Variants in REC114 observed in about 807,000 individuals in gnomAD.
REC114 encodes the protein REC114 meiotic recombination protein.
Under a neutral mutation model 31.3 loss-of-function variants are expected in REC114, and 27 were observed. The ratio of observed to expected loss-of-function variants is 0.86; its 90% CI spans 0.64 to 1.19. The LOEUF (loss-of-function observed/expected upper bound fraction) is 1.19. Ranked by LOEUF, REC114 falls within the 50% of genes most tolerant of loss-of-function variation. The pLI is 0.00. For missense variants in REC114, 344 were observed against 326.9 expected (o/e 1.05, Z -0.40); for synonymous variants, 134 against 127.7 (o/e 1.05, Z -0.33).
chr15:73,540,655 C>A, intron 3 of REC114, 87 bp downstream of exon 3: 1 of 1,105,152 alleles, frequency 9.0e-7, no homozygotes. Context: ...TGGTAGGTGA[C>A]GGGTACTGGG....
At chr15:73,470,622 A>C (rs951215601) in intron 1 of REC114, among the ~76,000 whole-genome samples, 2 of 152,210 alleles carry the variant, frequency 1.3e-5, no homozygotes, top group African/African-American at 2.4e-5. Context: ...GGGGAAAAAA[A>C]AATCTCTATC....
At chr15:73,509,292 GTT>G (rs892494235) in intron 2 of REC114, among the ~76,000 whole-genome samples, 4 of 142,380 alleles carry the variant, frequency 2.8e-5, no homozygotes, top group African/African-American at 1.2e-4. Flanking sequence ...TGATGGGGTT[GTT>G]TTTTTCTTGT....
intron 2 of REC114, among the ~76,000 whole-genome samples, chr15:73,495,620 T>C (rs572481601): frequency 6.6e-6 from 1 of 152,186 alleles, no homozygotes; most frequent in South Asian, 2.1e-4. Context: ...AGAAGCTTAG[T>C]TATAGTACTT....
chr15:73,471,484 A>C (rs1893131657), intron 1 of REC114, among the ~76,000 whole-genome samples: 1 of 152,192 alleles, frequency 6.6e-6, no homozygotes, highest in Non-Finnish European at 1.5e-5. Flanking sequence ...GTACTTTGTA[A>C]ATAGTGAATG....
intron 2 of REC114, among the ~76,000 whole-genome samples, chr15:73,532,523 T>C (rs1299406560): frequency 2.6e-5 from 4 of 151,408 alleles, no homozygotes; most frequent in Non-Finnish European, 5.9e-5. Context: ...CTGGGTCAAA[T>C]GGTATTTCCA....
At chr15:73,497,462 C>A (rs539639470) in intron 2 of REC114, among the ~76,000 whole-genome samples, 1 of 152,158 alleles carries the variant, frequency 6.6e-6, no homozygotes. Context: ...CACTAATCTC[C>A]CACTGATCAC....
intron 3 of REC114, among the ~76,000 whole-genome samples, chr15:73,542,507 C>T (rs1446809134): frequency 6.6e-6 from 1 of 152,052 alleles, no homozygotes; most frequent in South Asian, 2.1e-4. Context: ...GGAAGGTCAG[C>T]ATCACCTGGC....
intron 3 of REC114, among the ~76,000 whole-genome samples, chr15:73,542,341 AAAG>A (rs1406744683): frequency 1.2e-4 from 2 of 16,640 alleles, no homozygotes; most frequent in African/African-American, 1.7e-4. Flanking sequence ...AAAAAAAAAA[AAAG>A]AAAAAAAAAA....
At chr15:73,489,754 A>T (rs532073095) in intron 2 of REC114, among the ~76,000 whole-genome samples, 1 of 151,864 alleles carries the variant, frequency 6.6e-6, no homozygotes, top group East Asian at 1.9e-4. Context: ...CCAGAAAAAA[A>T]AAAAACAAAA....
At chr15:73,519,198 C>T (rs1595876170) in intron 2 of REC114, among the ~76,000 whole-genome samples, 2 of 152,182 alleles carry the variant, frequency 1.3e-5, no homozygotes, top group East Asian at 3.8e-4. Context: ...TAGTATTAAG[C>T]ACCCTTAAGA....
chr15:73,496,905 T>C (rs1893536619), intron 2 of REC114, among the ~76,000 whole-genome samples: 1 of 151,980 alleles, frequency 6.6e-6, no homozygotes, highest in Non-Finnish European at 1.5e-5. Flanking sequence ...GTTCCTTCCA[T>C]CTGGGATAGC....
chr15:73,541,634 C>G (rs973006485), intron 3 of REC114, among the ~76,000 whole-genome samples: 2 of 152,146 alleles, frequency 1.3e-5, no homozygotes, highest in Non-Finnish European at 2.9e-5. Context: ...CCAAAATGTT[C>G]AAGAACCCCT....
chr15:73,540,583 A>T lies in REC114; in HGVS notation c.333+15A>T. ...CAACGATAAAGGCAAGATTTAAGCTAATGATCACACTCTTCTCATCTTCTA... is the reference window on the plus strand; with the variant it reads ...CAACGATAAAGGCAAGATTTAAGCTTATGATCACACTCTTCTCATCTTCTA... On this transcript the variant is annotated intron_variant, in intron 3 of 5. Coordinates refer to ENST00000331090, the MANE Select transcript of REC114 (RefSeq NM_001042367.2). 1 of 1,600,252 alleles carries T rather than the reference A, an allele frequency of 6.2e-7. No individual in the cohort carries two copies. The highest frequency in any genetic ancestry group is 2.2e-5 in the East Asian group (1 of 44,804).
At chr15:73,514,321 C>A (rs187374472) in intron 2 of REC114, among the ~76,000 whole-genome samples, 2 of 151,774 alleles carry the variant, frequency 1.3e-5, no homozygotes, top group Admixed American at 6.5e-5. Context: ...GTGCGCGCAC[C>A]CACTGGCCTG....
chr15:73,493,073 G>A (rs1488662243), intron 2 of REC114, among the ~76,000 whole-genome samples: 2 of 151,692 alleles, frequency 1.3e-5, no homozygotes, highest in East Asian at 1.9e-4. Context: ...CTGGAGTGCA[G>A]TGGTGTGATC....
intron 2 of REC114, 121 bp from the exon 3 acceptor site, chr15:73,540,362 TTG>T (rs1437042956): frequency 1.3e-6 from 1 of 772,874 alleles, no homozygotes; most frequent in African/African-American, 1.7e-5. Flanking sequence ...TATTGAGTCA[TTG>T]CTACTATGTT....
chr15:73,509,178 C>CGTTT (rs1567879005), intron 2 of REC114, among the ~76,000 whole-genome samples: 1 of 152,104 alleles, frequency 6.6e-6, no homozygotes, highest in Admixed American at 6.5e-5. Context: ...TTTTGATTTG[C>CGTTT]GTTTCTCTGA....
chr15:73,467,919 AAC>A, intron 1 of REC114, among the ~76,000 whole-genome samples: 2 of 151,340 alleles, frequency 1.3e-5, no homozygotes, highest in Middle Eastern at 6.8e-3. Context: ...GGCCTTCTCT[AAC>A]ACGTAGAGGT....
chr15:73,465,602 G>C (rs2151255738), intron 1 of REC114, among the ~76,000 whole-genome samples: 1 of 151,444 alleles, frequency 6.6e-6, no homozygotes, highest in East Asian at 1.9e-4. Flanking sequence ...TTTTTTATTT[G>C]CTATGTTCAG....
Sources: gnomAD v4.1 joint callset for allele counts (sites outside exome capture counted in the v4.1 genomes callset) on GRCh38, gnomAD v4.1.1 for gene constraint, MANE v1.5 for transcripts, NCBI Gene and HGNC (gene_info 2026-07-23, HGNC 2026-07-21) for gene names.